The following REEP1 variants were observed in gnomAD, a reference collection of about 807,000 sequenced individuals.
REEP1 encodes receptor accessory protein 1, also known as receptor expression-enhancing protein 1.
REEP1 carries 22 observed loss-of-function variants against 40.3 expected under a neutral mutation model. That is an observed-to-expected ratio of 0.55 (90% CI 0.39 to 0.78). REEP1 has a LOEUF of 0.78. REEP1 is among the 30% of genes least tolerant of loss of function. The probability of loss-of-function intolerance (pLI) is 0.00; values close to 1 mark genes in which losing one functional copy is unlikely to be tolerated. For synonymous variants in REEP1, 116 were observed against 139.2 expected (o/e 0.83, Z 1.17); for missense variants, 280 against 361.1 (o/e 0.78, Z 1.82).
chr2:86,238,603 T>TCTG (rs1675490250), intron 5 of REEP1, among the ~76,000 whole-genome samples: 1 of 152,158 alleles, frequency 6.6e-6, no homozygotes, highest in South Asian at 2.1e-4. Context: ...GCCTGATGCA[T>TCTG]CAGCCAGGGT....
chr2:86,337,998 G>C (rs1156845680), upstream of REEP1: 8 of 1,532,672 alleles, frequency 5.2e-6, no homozygotes, highest in Non-Finnish European at 7.0e-6. The surrounding 1 kb of genome is among the most constrained non-coding windows in gnomAD (Gnocchi z 5.8). Flanking sequence ...CATTCAGCTA[G>C]TGCGTTAGCC....
intron 1 of REEP1, among the ~76,000 whole-genome samples, chr2:86,307,764 T>C (rs1192631111): frequency 6.6e-6 from 1 of 151,918 alleles, no homozygotes; most frequent in Non-Finnish European, 1.5e-5. Context: ...AAAAATGCTA[T>C]TTACAAAATG....
At chr2:86,335,499 T>C (rs940153899) in intron 1 of REEP1, among the ~76,000 whole-genome samples, 1 of 152,140 alleles carries the variant, frequency 6.6e-6, no homozygotes. Context: ...AGCACATCCC[T>C]GAGACACCTC....
intron 1 of REEP1, among the ~76,000 whole-genome samples, chr2:86,288,472 T>C (rs1201712728): frequency 6.6e-6 from 1 of 152,232 alleles, no homozygotes. Context: ...AGATTCTTTT[T>C]AACTACTGTG....
At chr2:86,265,257 G>A (rs1185393896) in intron 2 of REEP1, among the ~76,000 whole-genome samples, 2 of 152,210 alleles carry the variant, frequency 1.3e-5, no homozygotes, top group Non-Finnish European at 2.9e-5. Context: ...GGGAAACAAA[G>A]TTTGGAATTC....
chr2:86,317,791 T>A (rs958995021), intron 1 of REEP1, among the ~76,000 whole-genome samples: 1 of 152,220 alleles, frequency 6.6e-6, no homozygotes, highest in African/African-American at 2.4e-5. Context: ...ACTCATACAG[T>A]GTTTCTGCTG....
chr2:86,266,390 C>T lies in REEP1; in HGVS notation c.106-2349G>A, dbSNP rs978228422. On this transcript the variant is annotated intron_variant, in intron 2 of 8. Transcript: ENST00000538924. ...ATCCCAGCACTTTGGGAGGCCGAGG[C>T]GGGTGGATCATGAGGTCAGGAGATC... 9.9e-4 allele frequency among the ~76,000 whole-genome samples: 144 copies of T among 145,122 alleles called. No homozygotes were observed. The Middle Eastern group carries it at 0.013, about 13-fold the overall frequency.
intron 8 of REEP1, 141 bp downstream of exon 8, chr2:86,219,829 G>A: frequency 1.9e-6 from 1 of 537,204 alleles, no homozygotes; most frequent in Non-Finnish European, 2.8e-6. Context: ...GGTTCTGCTT[G>A]TTTGATGGAA....
At chr2:86,322,165 A>G (rs1302506670) in intron 1 of REEP1, among the ~76,000 whole-genome samples, 1 of 152,240 alleles carries the variant, frequency 6.6e-6, no homozygotes, top group African/African-American at 2.4e-5. Flanking sequence ...TAGCAAAATT[A>G]TAAAATTTTA....
intron 7 of REEP1, among the ~76,000 whole-genome samples, chr2:86,220,908 C>T (rs1052221586): frequency 1.5e-4 from 23 of 152,160 alleles, no homozygotes; most frequent in African/African-American, 5.1e-4. Context: ...AATACATATT[C>T]CATGTCATCT....
chr2:86,279,320 A>T (rs1677931257), intron 2 of REEP1, among the ~76,000 whole-genome samples: 1 of 152,234 alleles, frequency 6.6e-6, no homozygotes, highest in African/African-American at 2.4e-5. Context: ...TAAATGCTGT[A>T]ATGAAGTTTG....
intron 3 of REEP1, among the ~76,000 whole-genome samples, chr2:86,256,889 G>A (rs921310374): frequency 3.3e-5 from 5 of 152,048 alleles, no homozygotes; most frequent in African/African-American, 9.7e-5. Context: ...CCAGATAAAC[G>A]ATCAGAAAAT....
intron 2 of REEP1, among the ~76,000 whole-genome samples, chr2:86,270,730 C>T (rs183583598): frequency 6.6e-6 from 1 of 152,002 alleles, no homozygotes; most frequent in Non-Finnish European, 1.5e-5. Context: ...CAGACTAAAG[C>T]CATGCAGACT....
intron 2 of REEP1, among the ~76,000 whole-genome samples, chr2:86,270,806 C>T (rs904776437): frequency 3.5e-4 from 53 of 151,478 alleles, no homozygotes; most frequent in African/African-American, 1.3e-3. Flanking sequence ...GGCAGTCTAA[C>T]ATACATGTAA....
At chr2:86,242,169 C>CTCA (rs1347293756) in intron 5 of REEP1, among the ~76,000 whole-genome samples, 1 of 152,162 alleles carries the variant, frequency 6.6e-6, no homozygotes, top group Non-Finnish European at 1.5e-5. Flanking sequence ...TTTACACTGC[C>CTCA]TCATAACTCC....
chr2:86,283,790 C>T (rs1366659564), intron 1 of REEP1, among the ~76,000 whole-genome samples: 5 of 152,172 alleles, frequency 3.3e-5, no homozygotes, highest in South Asian at 4.1e-4. Context: ...CTCCAATGCA[C>T]GGAGCAGCCA....
chr2:86,218,723 GCCCAGAACATCCTTTCCCAAA>G (rs1674258487), intron 8 of REEP1, among the ~76,000 whole-genome samples: 1 of 152,232 alleles, frequency 6.6e-6, no homozygotes, highest in South Asian at 2.1e-4. Flanking sequence ...CAGTGTCCAA[GCCCAGAACATCCTTTCCCAAA>G]CCCTCTAACT....
rs546464291 is a variant in REEP1 at position 86,226,674 on chromosome 2, T to G, written c.631+689A>C. Among the ~76,000 whole-genome samples the G allele has an allele frequency of 1.6e-3, 249 of 151,352 alleles. 1 individual carries two copies. The highest frequency in any genetic ancestry group is 5.9e-3 in the African/African-American group (242 of 41,034). ...TTGTAGAGATTAATTCTTGCTATAT[T>G]GCCCAGGTTGGTCTCGAACTCCTGG... On this transcript the variant is annotated intron_variant, in intron 7 of 8. Transcript: ENST00000538924.
At chr2:86,299,356 C>CT (rs1679155820) in intron 1 of REEP1, among the ~76,000 whole-genome samples, 1 of 152,238 alleles carries the variant, frequency 6.6e-6, no homozygotes, top group Non-Finnish European at 1.5e-5. Flanking sequence ...TGGGCTTTAA[C>CT]TATTAGATGA....
Sources: allele counts gnomAD v4.1 joint callset (sites outside exome capture counted in the v4.1 genomes callset), GRCh38; gene constraint gnomAD v4.1.1; non-coding constraint Gnocchi (gnomAD v3.1); transcripts MANE v1.5; gene names NCBI Gene and HGNC (gene_info 2026-07-23, HGNC 2026-07-21).